Variants in LUZP2 observed in about 807,000 individuals in gnomAD.
The protein encoded by LUZP2 is leucine zipper protein 2.
Under a neutral mutation model 51.6 loss-of-function variants are expected in LUZP2, and 52 were observed. The ratio of observed to expected loss-of-function variants is 1.01; its 90% CI spans 0.81 to 1.27. The LOEUF is 1.27. Among genes scored for constraint, LUZP2 ranks in the 50% most tolerant of loss-of-function variants. LUZP2 has a pLI of 0.00. For synonymous variants in LUZP2, 154 were observed against 137.3 expected, an observed-to-expected ratio of 1.12 and a Z score of -0.85; for missense variants, 436 against 395.4, an observed-to-expected ratio of 1.10 and a Z score of -0.87.
chr11:24,798,824 T>TG (rs11417652), intron 5 of LUZP2, among the ~76,000 whole-genome samples: 2 of 151,988 alleles, frequency 1.3e-5, no homozygotes, highest in Non-Finnish European at 2.9e-5. Flanking sequence ...GGACTCAAGG[T>TG]TATTTCCTGT....
intron 1 of LUZP2, among the ~76,000 whole-genome samples, chr11:24,665,500 G>A (rs1017643110): frequency 2.6e-5 from 4 of 152,124 alleles, no homozygotes; most frequent in African/African-American, 9.7e-5. Flanking sequence ...GTCAGGGGCA[G>A]AATAATATAC....
chr11:24,612,954 A>G (rs1854168349), intron 1 of LUZP2, among the ~76,000 whole-genome samples: 2 of 152,076 alleles, frequency 1.3e-5, no homozygotes, highest in East Asian at 1.9e-4. Context: ...CCCTAGTGGT[A>G]CTAACAAATG....
intron 9 of LUZP2, among the ~76,000 whole-genome samples, chr11:25,029,356 C>A (rs1021250614): frequency 6.6e-6 from 1 of 152,032 alleles, no homozygotes; most frequent in Non-Finnish European, 1.5e-5. Context: ...TGTACATCTA[C>A]TAGGTACCCA....
chr11:24,642,450 G>A (rs1855323045), intron 1 of LUZP2, among the ~76,000 whole-genome samples: 1 of 151,642 alleles, frequency 6.6e-6, no homozygotes, highest in Non-Finnish European at 1.5e-5. Context: ...TGTTCTACAT[G>A]TTCAGTCCTC....
chr11:24,753,310 C>T (rs946738007), intron 4 of LUZP2, among the ~76,000 whole-genome samples: 1 of 152,118 alleles, frequency 6.6e-6, no homozygotes, highest in Admixed American at 6.6e-5. Flanking sequence ...AAGAAGCTTC[C>T]ATGCGCTCGC....
intron 1 of LUZP2, among the ~76,000 whole-genome samples, chr11:24,682,829 C>T (rs12574317): frequency 0.18 from 27,997 of 151,580 alleles, 2,671 homozygotes; most frequent in East Asian, 0.32. Context: ...CATGGTGAAA[C>T]CCCATCTCTA....
intron 1 of LUZP2, among the ~76,000 whole-genome samples, chr11:24,566,526 A>G (rs1852224876): frequency 6.8e-6 from 1 of 147,428 alleles, no homozygotes; most frequent in African/African-American, 2.5e-5. Flanking sequence ...ATGTGTGTGT[A>G]TATGTATACA....
chr11:24,930,903 G>A (rs1439240713), intron 7 of LUZP2, among the ~76,000 whole-genome samples: 1 of 152,058 alleles, frequency 6.6e-6, no homozygotes, highest in African/African-American at 2.4e-5. Context: ...AAACTTCTTG[G>A]AAGCTTTGTT....
intron 7 of LUZP2, among the ~76,000 whole-genome samples, chr11:24,965,762 A>T (rs939480202): frequency 1.3e-5 from 2 of 151,896 alleles, no homozygotes; most frequent in Non-Finnish European, 3.0e-5. Flanking sequence ...TGGCTCATTT[A>T]AAAAATAAAT....
At chr11:24,985,907 C>T (rs1302027195) in intron 9 of LUZP2, among the ~76,000 whole-genome samples, 1 of 151,508 alleles carries the variant, frequency 6.6e-6, no homozygotes, top group South Asian at 2.1e-4. Flanking sequence ...CCTGAAGAGA[C>T]AGTATGGAGT....
chr11:24,944,365 C>T (rs998133815), intron 7 of LUZP2, among the ~76,000 whole-genome samples: 3 of 152,090 alleles, frequency 2.0e-5, no homozygotes, highest in African/African-American at 7.2e-5. Flanking sequence ...CCTGTGCTCC[C>T]AAACAATACA....
At chr11:24,846,720 G>A (rs1264717756) in intron 5 of LUZP2, among the ~76,000 whole-genome samples, 1 of 151,854 alleles carries the variant, frequency 6.6e-6, no homozygotes, top group Non-Finnish European at 1.5e-5. Flanking sequence ...TATTATCAAG[G>A]GCAGACAAAT....
chr11:24,988,860 A>T (rs1249961319), intron 9 of LUZP2, among the ~76,000 whole-genome samples: 1 of 151,988 alleles, frequency 6.6e-6, no homozygotes, highest in African/African-American at 2.4e-5. Context: ...AAGAAGCTGG[A>T]TATCGGAGTT....
rs571846786 is a variant in LUZP2 at position 24,706,546 on chromosome 11, T to C, written c.63-22623T>C. ...CTCTTCCTGTGCGGCCTTCTCTCAG[T>C]TGTCTAATATCTCCTGTGTAGAGAG... On this transcript the variant is annotated intron_variant, in intron 1 of 11. Transcript: ENST00000336930. Among the ~76,000 whole-genome samples the C allele has an allele frequency of 2.0e-5, 3 of 152,274 alleles. No individual in the cohort carries two copies. In the South Asian group the frequency reaches 6.2e-4, roughly 32 times the overall value.
chr11:24,708,749 C>T (rs1857703778), intron 1 of LUZP2, among the ~76,000 whole-genome samples: 1 of 152,136 alleles, frequency 6.6e-6, no homozygotes, highest in Admixed American at 6.5e-5. Flanking sequence ...GATGATACTG[C>T]TGGAACTCAG....
intron 1 of LUZP2, among the ~76,000 whole-genome samples, chr11:24,666,058 A>T (rs987253775): frequency 6.6e-6 from 1 of 152,316 alleles, no homozygotes; most frequent in Non-Finnish European, 1.5e-5. Flanking sequence ...AAACTCAAAA[A>T]ATTATTTACC....
At chr11:25,060,461 T>C (rs896032498) in intron 10 of LUZP2, among the ~76,000 whole-genome samples, 1 of 152,166 alleles carries the variant, frequency 6.6e-6, no homozygotes, top group African/African-American at 2.4e-5. Flanking sequence ...CCTTGTGAGT[T>C]AGGATTTCAA....
chr11:24,938,908 T>C (rs1854665246), intron 7 of LUZP2, among the ~76,000 whole-genome samples: 1 of 152,158 alleles, frequency 6.6e-6, no homozygotes, highest in Non-Finnish European at 1.5e-5. Context: ...GTATATCTTG[T>C]TGAAAGAAAA....
Position 24,677,820 on chromosome 11 carries a change from C to T in LUZP2, c.63-51349C>T, listed in dbSNP as rs182010352. 1.4e-3 allele frequency among the ~76,000 whole-genome samples: 209 copies of T among 152,012 alleles called. 2 individuals carry two copies. Among genetic ancestry groups the T allele is most frequent in the East Asian group, 0.013 (68 of 5,150 alleles). On this transcript the variant is annotated intron_variant, in intron 1 of 11. Transcript: ENST00000336930. Reference sequence around the variant, plus strand: ...ATCCCAGCACTTTGGGAGGCCGAGGCGGGCCGATCACGAGGTCAGGAGATC... The same window carrying T: ...ATCCCAGCACTTTGGGAGGCCGAGGTGGGCCGATCACGAGGTCAGGAGATC...
Sources: allele counts gnomAD v4.1 joint callset (sites outside exome capture counted in the v4.1 genomes callset), GRCh38; gene constraint gnomAD v4.1.1; transcripts MANE v1.5; gene names NCBI Gene and HGNC (gene_info 2026-07-23, HGNC 2026-07-21).